Variants in TBC1D22B observed in about 807,000 individuals in gnomAD.
TBC1D22B encodes chromosome 6 open reading frame 197.
A neutral mutation model predicts 69.1 loss-of-function variants in TBC1D22B; 32 were observed. That is an observed-to-expected ratio of 0.46 (90% CI 0.35 to 0.62). The LOEUF (loss-of-function observed/expected upper bound fraction) is 0.62, where lower values mean the gene tolerates loss of function less well. Ranked by LOEUF, TBC1D22B falls within the 20% of genes least tolerant of loss-of-function variation. The probability of loss-of-function intolerance (pLI) is 0.00; values close to 1 mark genes in which losing one functional copy is unlikely to be tolerated. For synonymous variants in TBC1D22B, 206 were observed against 229.8 expected (o/e 0.90, Z 0.94); for missense variants, 462 against 630.9 (o/e 0.73, Z 2.87).
chr6:37,297,681 A>G (rs1767425379), intron 8 of TBC1D22B, among the ~76,000 whole-genome samples: 1 of 152,240 alleles, frequency 6.6e-6, no homozygotes, highest in African/African-American at 2.4e-5. Context: ...TCTAAAAAAA[A>G]TTGTAGTAGA....
At chr6:37,267,878 A>C (rs973729814) in intron 1 of TBC1D22B, among the ~76,000 whole-genome samples, 1 of 151,960 alleles carries the variant, frequency 6.6e-6, no homozygotes, top group Admixed American at 6.6e-5. Flanking sequence ...TATCTGCTTT[A>C]AATATCTTCT....
At chr6:37,328,979 G>A (rs192613422) in intron 12 of TBC1D22B, among the ~76,000 whole-genome samples, 36 of 152,084 alleles carry the variant, frequency 2.4e-4, no homozygotes, top group African/African-American at 7.7e-4. Context: ...GGCCCACTTC[G>A]GCCTCCCAAA....
At chr6:37,299,877 C>T (rs530836967) in intron 8 of TBC1D22B, among the ~76,000 whole-genome samples, 2 of 152,008 alleles carry the variant, frequency 1.3e-5, no homozygotes, top group Admixed American at 6.5e-5. Flanking sequence ...GGCATGGTGG[C>T]GGCTGCCTGT....
chr6:37,261,882 CA>C (rs1766109600), intron 1 of TBC1D22B, among the ~76,000 whole-genome samples: 1 of 148,914 alleles, frequency 6.7e-6, no homozygotes, highest in African/African-American at 2.5e-5. Context: ...TAAAAACACA[CA>C]AAAAAATTAT....
intron 1 of TBC1D22B, among the ~76,000 whole-genome samples, chr6:37,262,318 T>C (rs1035023319): frequency 6.6e-6 from 1 of 151,998 alleles, no homozygotes; most frequent in African/African-American, 2.4e-5. Context: ...TCTGAGATTA[T>C]AGGTGTGAGC....
At chr6:37,292,480 AC>A (rs1213102430) in intron 8 of TBC1D22B, among the ~76,000 whole-genome samples, 3 of 150,784 alleles carry the variant, frequency 2.0e-5, no homozygotes, top group Non-Finnish European at 4.4e-5. Context: ...TATCCTCCCC[AC>A]CCCCCCGCCT....
chr6:37,328,719 G>GT (rs935069140), intron 12 of TBC1D22B, among the ~76,000 whole-genome samples: 118 of 150,160 alleles, frequency 7.9e-4, no homozygotes, highest in South Asian at 1.7e-3. Flanking sequence ...TTTATTTTCT[G>GT]TTTTTTTTTT....
chr6:37,264,859 A>G (rs902454141), intron 1 of TBC1D22B, among the ~76,000 whole-genome samples: 14 of 152,190 alleles, frequency 9.2e-5, no homozygotes, highest in South Asian at 8.3e-4. Flanking sequence ...TAAGTTTGGA[A>G]GGTGGAGTGG....
At chr6:37,284,828 C>CAA (rs1766953545) in intron 6 of TBC1D22B, among the ~76,000 whole-genome samples, 1 of 152,174 alleles carries the variant, frequency 6.6e-6, no homozygotes, top group Non-Finnish European at 1.5e-5. Flanking sequence ...GCTGCTGCTG[C>CAA]TGGTCCACCA....
chr6:37,259,585 G>A (rs1254017526), intron 1 of TBC1D22B, among the ~76,000 whole-genome samples: 2 of 152,084 alleles, frequency 1.3e-5, no homozygotes, highest in Non-Finnish European at 2.9e-5. Context: ...CCTGTATTTG[G>A]CTATAAGAAC....
At chr6:37,307,424 C>T (rs1486790569) in intron 8 of TBC1D22B, among the ~76,000 whole-genome samples, 2 of 149,982 alleles carry the variant, frequency 1.3e-5, no homozygotes, top group African/African-American at 2.5e-5. Flanking sequence ...GGCATAATCT[C>T]GGCTCACTGC....
At chr6:37,267,459 C>T (rs1766331644) in intron 1 of TBC1D22B, among the ~76,000 whole-genome samples, 1 of 130,762 alleles carries the variant, frequency 7.6e-6, no homozygotes, top group African/African-American at 3.0e-5. Context: ...TATATATATA[C>T]ACATATATAT....
intron 1 of TBC1D22B, among the ~76,000 whole-genome samples, chr6:37,265,118 A>G (rs1249372590): frequency 6.6e-6 from 1 of 152,216 alleles, no homozygotes; most frequent in African/African-American, 2.4e-5. Flanking sequence ...GTTCAGTTCA[A>G]GAATATGTTA....
chr6:37,267,482 CT>C (rs1381626582), intron 1 of TBC1D22B, among the ~76,000 whole-genome samples: 3 of 138,100 alleles, frequency 2.2e-5, no homozygotes, highest in Admixed American at 7.5e-5. Context: ...TATATATACA[CT>C]ATATATAATA....
At position 37,277,997 on chromosome 6, in the gene TBC1D22B, G is replaced by A. The variant is rs543786664; in HGVS notation, c.114-1307G>A. On this transcript the variant is annotated intron_variant, in intron 2 of 12. Coordinates refer to ENST00000373491, the MANE Select transcript of TBC1D22B (RefSeq NM_017772.4). ...AAAAAAGCTAGACATGGTGGTGTGC[G>A]CCTATAGTCCCAGCTACTCAGGAAG... is the stretch of plus-strand genomic sequence containing the variant. Among the ~76,000 whole-genome samples the A allele has an allele frequency of 2.0e-5, 3 of 151,362 alleles. No homozygotes were observed. The East Asian group carries it at 5.9e-4, about 30-fold the overall frequency.
intron 1 of TBC1D22B, among the ~76,000 whole-genome samples, chr6:37,268,267 C>A (rs1005929121): frequency 8.6e-5 from 13 of 152,012 alleles, no homozygotes; most frequent in Non-Finnish European, 1.8e-4. Context: ...CTTTTCTTTC[C>A]AACAGGGTCC....
chr6:37,294,492 C>T (rs912574336), intron 8 of TBC1D22B, among the ~76,000 whole-genome samples: 1 of 152,162 alleles, frequency 6.6e-6, no homozygotes, highest in Non-Finnish European at 1.5e-5. Flanking sequence ...CTAGGACTTT[C>T]ATAGCTAGAG....
chr6:37,327,341 G>A lies in TBC1D22B; in HGVS notation c.1390-3703G>A, dbSNP rs892956041. Among the ~76,000 whole-genome samples the A allele has an allele frequency of 1.8e-4, 24 of 135,594 alleles. 1 individual carries two copies. The highest frequency in any genetic ancestry group is 9.2e-4 in the South Asian group (4 of 4,336). 89.0% of individuals were successfully genotyped at this position (135,594 alleles called of 152,430 possible). On this transcript the variant is annotated intron_variant, in intron 12 of 12. Transcript: ENST00000373491. The stretch of plus-strand genomic sequence containing the variant: ...AAAATGCAAAAAATTAGCCGGGCGT[G>A]GTGGTGGGCGCCTGTAGTCCCAGCT...
intron 6 of TBC1D22B, among the ~76,000 whole-genome samples, chr6:37,285,709 T>A (rs983994921): frequency 2.6e-5 from 4 of 152,194 alleles, no homozygotes; most frequent in Admixed American, 2.6e-4. Flanking sequence ...GCCAGGCTGG[T>A]CTTGAACTCC....
Sources: allele counts gnomAD v4.1 joint callset (sites outside exome capture counted in the v4.1 genomes callset), GRCh38; gene constraint gnomAD v4.1.1; transcripts MANE v1.5; gene names NCBI Gene and HGNC (gene_info 2026-07-23, HGNC 2026-07-21).